The following CHRM2 variants were observed in gnomAD, a reference collection of about 807,000 sequenced individuals.
CHRM2 encodes cholinergic receptor muscarinic 2, also known as muscarinic acetylcholine receptor M2.
In CHRM2, 8 loss-of-function variants were observed where a neutral mutation model predicts 25.0. The ratio of observed to expected loss-of-function variants is 0.32; its 90% CI spans 0.19 to 0.58. CHRM2 has a LOEUF of 0.58. CHRM2 is among the 20% of genes least tolerant of loss of function. The probability of loss-of-function intolerance (pLI) is 0.88; values close to 1 mark genes in which losing one functional copy is unlikely to be tolerated. For synonymous variants in CHRM2, 202 were observed against 205.7 expected (o/e 0.98, Z 0.15); for missense variants, 440 against 567.1 (o/e 0.78, Z 2.28).
chr7:136,906,255 A>ATG (rs1283027095), intron 2 of CHRM2, among the ~76,000 whole-genome samples: 1 of 151,092 alleles, frequency 6.6e-6, no homozygotes, highest in Non-Finnish European at 1.5e-5. Context: ...ATACATATAT[A>ATG]TGTGTGATTA....
At chr7:136,921,375 G>A (rs75033697) in intron 2 of CHRM2, among the ~76,000 whole-genome samples, 2,180 of 152,006 alleles carry the variant, frequency 0.014, 53 homozygotes, top group African/African-American at 0.049. Context: ...ATCCAAACCC[G>A]GAAGACCATC....
chr7:136,882,486 T>C (rs1796305179), intron 2 of CHRM2, among the ~76,000 whole-genome samples: 1 of 151,764 alleles, frequency 6.6e-6, no homozygotes, highest in Admixed American at 6.6e-5. Flanking sequence ...CCTGCCTCTA[T>C]TCTTGGCACA....
intron 2 of CHRM2, among the ~76,000 whole-genome samples, chr7:136,916,901 A>G (rs1214513022): frequency 1.3e-5 from 2 of 151,428 alleles, no homozygotes; most frequent in African/African-American, 4.8e-5. Context: ...TTCTTTAGTT[A>G]TCGAGAAACT....
chr7:136,920,091 AC>A (rs2130729457), intron 2 of CHRM2, among the ~76,000 whole-genome samples: 1 of 151,728 alleles, frequency 6.6e-6, no homozygotes, highest in East Asian at 1.9e-4. Flanking sequence ...TGACATTTCA[AC>A]CTTATATGGT....
intron 2 of CHRM2, among the ~76,000 whole-genome samples, chr7:136,964,097 T>C (rs324580): frequency 0.88 from 133,251 of 152,142 alleles, 58,935 homozygotes; most frequent in Middle Eastern, 0.97. Context: ...CAAAAAGGTT[T>C]CAGCCAAATA....
intron 2 of CHRM2, among the ~76,000 whole-genome samples, chr7:136,935,222 A>G (rs1799343995): frequency 6.6e-6 from 1 of 151,858 alleles, no homozygotes; most frequent in Admixed American, 6.6e-5. Flanking sequence ...TCAGGGGGGT[A>G]AACACATTGG....
chr7:136,988,403 T>C (rs979467112), intron 2 of CHRM2, among the ~76,000 whole-genome samples: 6 of 152,138 alleles, frequency 3.9e-5, no homozygotes, highest in African/African-American at 1.2e-4. Flanking sequence ...TGTGTACTAA[T>C]AGGTAATATA....
chr7:136,997,970 G>A (rs995348831), intron 3 of CHRM2, among the ~76,000 whole-genome samples: 1 of 152,204 alleles, frequency 6.6e-6, no homozygotes, highest in African/African-American at 2.4e-5. Flanking sequence ...GACAGCTGGA[G>A]AGACAGACTG....
chr7:137,006,652 AT>A lies in CHRM2; in HGVS notation c.-46-8159del, dbSNP rs376245620. 5.3e-5 allele frequency among the ~76,000 whole-genome samples: 8 copies of A among 151,034 alleles called. No homozygotes were observed. In the East Asian group the frequency reaches 5.8e-4, roughly 11 times the overall value. On this transcript the variant is annotated intron_variant, in intron 3 of 3. Transcript: ENST00000680005. ...ATTCTGTTCTATAATTTTCTTTTAC[AT>A]TTTTTTTTCTTTTTCACAAAAGTGC...
chr7:136,968,728 A>ATATG (rs2130921366), intron 2 of CHRM2, among the ~76,000 whole-genome samples: 2 of 126,494 alleles, frequency 1.6e-5, no homozygotes, highest in South Asian at 4.6e-4. Flanking sequence ...ATAAATATAT[A>ATATG]TATATATATA....
intron 2 of CHRM2, among the ~76,000 whole-genome samples, chr7:136,943,537 A>G (rs1584797229): frequency 6.6e-6 from 1 of 152,180 alleles, no homozygotes; most frequent in Admixed American, 6.5e-5. Context: ...TCTATGATAC[A>G]TGGTGTTCCT....
At chr7:136,924,416 G>C (rs1195211394) in intron 2 of CHRM2, among the ~76,000 whole-genome samples, 1 of 137,892 alleles carries the variant, frequency 7.3e-6, no homozygotes, top group Non-Finnish European at 1.5e-5. Flanking sequence ...CTGTGTCCAA[G>C]TGTTCTCATT....
intron 2 of CHRM2, among the ~76,000 whole-genome samples, chr7:136,923,874 T>C (rs1798588341): frequency 6.6e-6 from 1 of 152,094 alleles, no homozygotes. Flanking sequence ...TAGCTAGGTG[T>C]GGCGGTGTGT....
chr7:136,987,759 C>T (rs1481125964), intron 2 of CHRM2, among the ~76,000 whole-genome samples: 2 of 152,156 alleles, frequency 1.3e-5, no homozygotes, highest in Non-Finnish European at 2.9e-5. Context: ...CCTCCTTATT[C>T]AATCATATTA....
At chr7:136,990,450 C>T (rs1803147505) in intron 2 of CHRM2, among the ~76,000 whole-genome samples, 1 of 152,146 alleles carries the variant, frequency 6.6e-6, no homozygotes, top group Admixed American at 6.6e-5. Context: ...TCCAGGATGT[C>T]ATATAGTTGG....
At chr7:136,880,212 TCTC>T (rs1360595294) in intron 2 of CHRM2, among the ~76,000 whole-genome samples, 1 of 150,212 alleles carries the variant, frequency 6.7e-6, no homozygotes, top group African/African-American at 2.4e-5. Context: ...CTTGCTCTCT[TCTC>T]CTTTAATAGC....
intron 2 of CHRM2, among the ~76,000 whole-genome samples, chr7:136,937,162 G>A (rs1426657585): frequency 6.6e-6 from 1 of 152,100 alleles, no homozygotes; most frequent in East Asian, 1.9e-4. Context: ...GATTTACTCA[G>A]GGATCTACAG....
chr7:136,918,092 G>A (rs1230373858), intron 2 of CHRM2, among the ~76,000 whole-genome samples: 1 of 152,090 alleles, frequency 6.6e-6, no homozygotes, highest in Non-Finnish European at 1.5e-5. Flanking sequence ...ACAGAAAACA[G>A]AAAGGACCAC....
rs324651 is a variant in CHRM2, at chr7:137,014,514, G to T, written c.-46-306G>T. Among the ~76,000 whole-genome samples the T allele has an allele frequency of 0.14, 21,605 of 151,922 alleles. 1,847 individuals carry two copies. The highest frequency in any genetic ancestry group is 0.22 in the African/African-American group (8,960 of 41,464). ...ATTTAATTCAATTTATCAGTATTAT[G>T]CTAAGTTTCATGGATTGATGAGATA... On this transcript the variant is annotated intron_variant, in intron 3 of 3. Transcript: ENST00000680005.
Sources: allele counts gnomAD v4.1 joint callset (sites outside exome capture counted in the v4.1 genomes callset), GRCh38; gene constraint gnomAD v4.1.1; transcripts MANE v1.5; gene names NCBI Gene and HGNC (gene_info 2026-07-23, HGNC 2026-07-21).